Variants in ACOT7 observed in about 807,000 individuals in gnomAD.
ACOT7 encodes cytosolic acyl coenzyme A thioester hydrolase.
In ACOT7, 12 loss-of-function variants were observed where a neutral mutation model predicts 40.2. That is an observed-to-expected ratio of 0.30 (90% CI 0.19 to 0.48). ACOT7 has a LOEUF of 0.48. Among genes scored for constraint, ACOT7 ranks in the 20% least tolerant of loss-of-function variants. The probability of loss-of-function intolerance (pLI) is 0.99; values close to 1 mark genes in which losing one functional copy is unlikely to be tolerated. For missense variants in ACOT7, 395 were observed against 530.8 expected (o/e 0.74, Z 2.51); for synonymous variants, 228 against 219.5 (o/e 1.04, Z -0.34).
chr1:6,265,884 G>C lies in ACOT7; in HGVS notation c.1015-1189C>G, dbSNP rs148315150. Reference sequence around the variant, plus strand: ...GGCCTAAGTGTTTCATAGACAAATGGTATATTGGCAAGAGAGAGCGCAGTC... The same window carrying C: ...GGCCTAAGTGTTTCATAGACAAATGCTATATTGGCAAGAGAGAGCGCAGTC... On this transcript the variant is annotated intron_variant, in intron 8 of 8. Coordinates refer to ENST00000361521, the MANE Select transcript of ACOT7 (RefSeq NM_007274.4). 1.0e-3 allele frequency among the ~76,000 whole-genome samples: 154 copies of C among 152,286 alleles called. 1 individual carries two copies. The highest frequency in any genetic ancestry group is 3.4e-3 in the African/African-American group (142 of 41,564).
chr1:6,286,113 A>C (rs1453761151), intron 7 of ACOT7, among the ~76,000 whole-genome samples: 1 of 152,232 alleles, frequency 6.6e-6, no homozygotes, highest in African/African-American at 2.4e-5. Context: ...GGTCCTGACA[A>C]TCAGCCCACG....
At chr1:6,381,383 C>T (rs1306529731) in intron 1 of ACOT7, among the ~76,000 whole-genome samples, 10 of 151,760 alleles carry the variant, frequency 6.6e-5, no homozygotes, top group Middle Eastern at 3.4e-3. Context: ...CTTGAGTAGA[C>T]ATTTCTACAA....
intron 8 of ACOT7, among the ~76,000 whole-genome samples, chr1:6,272,937 G>T (rs1281240337): frequency 6.6e-6 from 1 of 152,204 alleles, no homozygotes; most frequent in Admixed American, 6.5e-5. Flanking sequence ...CACTCTGTCC[G>T]TGTCACAAAT....
intron 1 of ACOT7, among the ~76,000 whole-genome samples, chr1:6,369,928 T>C (rs185737326): frequency 2.0e-5 from 3 of 152,302 alleles, no homozygotes; most frequent in Admixed American, 2.0e-4. Context: ...GGTTGCAGAA[T>C]GGATGTTGAG....
At chr1:6,287,186 G>A (rs1411483853) in intron 7 of ACOT7, among the ~76,000 whole-genome samples, 2 of 152,264 alleles carry the variant, frequency 1.3e-5, no homozygotes, top group Non-Finnish European at 2.9e-5. Context: ...CCTCAAAGGT[G>A]GCTGTAGCCG....
chr1:6,295,013 A>T (rs1274142358), intron 6 of ACOT7, 33 bp from the exon 7 acceptor site: 4 of 1,516,508 alleles, frequency 2.6e-6, no homozygotes, highest in East Asian at 4.5e-5. Flanking sequence ...CAGATGAGAC[A>T]CGGAGGCAGA....
chr1:6,281,632 C>T (rs902376636), intron 7 of ACOT7, among the ~76,000 whole-genome samples: 37 of 152,352 alleles, frequency 2.4e-4, no homozygotes, highest in African/African-American at 8.7e-4. Context: ...CGCAGACTGC[C>T]TTCCAGGAGC....
chr1:6,265,633 G>C (rs1334052511), intron 8 of ACOT7, among the ~76,000 whole-genome samples: 1 of 152,200 alleles, frequency 6.6e-6, no homozygotes, highest in African/African-American at 2.4e-5. Context: ...TGGCCCCTGG[G>C]CAGGTGCCAC....
At chr1:6,390,703 A>G (rs1286218956) in intron 1 of ACOT7, among the ~76,000 whole-genome samples, 2 of 152,010 alleles carry the variant, frequency 1.3e-5, no homozygotes, top group African/African-American at 4.8e-5. Context: ...TGGGAGGCCG[A>G]GGCGGGCAGA....
chr1:6,388,842 T>A (rs1642485129), intron 1 of ACOT7, among the ~76,000 whole-genome samples: 1 of 146,620 alleles, frequency 6.8e-6, no homozygotes, highest in South Asian at 2.2e-4. Context: ...ATCGAGACCA[T>A]CCTGGCTAAC....
intron 1 of ACOT7, among the ~76,000 whole-genome samples, chr1:6,388,881 AC>A (rs1403503036): frequency 5.3e-5 from 8 of 151,518 alleles, no homozygotes; most frequent in Non-Finnish European, 1.0e-4. Context: ...TAATAAAAAT[AC>A]AAAAAAAAAT....
intron 6 of ACOT7, among the ~76,000 whole-genome samples, chr1:6,304,458 G>T (rs1213845659): frequency 2.8e-5 from 4 of 141,534 alleles, no homozygotes; most frequent in Non-Finnish European, 3.0e-5. Flanking sequence ...ATTTGGCAGG[G>T]TCACAGGACA....
intron 8 of ACOT7, among the ~76,000 whole-genome samples, chr1:6,265,755 G>A (rs1414414408): frequency 1.3e-5 from 2 of 152,170 alleles, no homozygotes; most frequent in African/African-American, 4.8e-5. Flanking sequence ...TAATTCCTCT[G>A]GGACATTTCA....
In ACOT7 at chr1:6,393,132, C is replaced by G. The variant is rs942833561; in HGVS notation, c.143+125G>C. On this transcript the variant is annotated intron_variant, in intron 1 of 8. Transcript: ENST00000361521. ...GCGTCCGGGGCGGCGGCGCGGAAGG[C>G]CGTGCGGGGAATCGGCGGGCGGGGG... The G allele has an allele frequency of 3.7e-6, 4 of 1,070,866 alleles. No individual in the cohort carries two copies. In the African/African-American group the frequency reaches 6.7e-5, roughly 18 times the overall value. 66.3% of individuals were successfully genotyped at this position (1,070,866 alleles called of 1,614,324 possible).
At chr1:6,348,343 C>T (rs1238693733) in intron 2 of ACOT7, among the ~76,000 whole-genome samples, 1 of 152,132 alleles carries the variant, frequency 6.6e-6, no homozygotes, top group Non-Finnish European at 1.5e-5. Context: ...GATACACACA[C>T]ACACACACGC....
intron 7 of ACOT7, among the ~76,000 whole-genome samples, chr1:6,291,296 C>A (rs1639656734): frequency 6.6e-6 from 1 of 152,012 alleles, no homozygotes; most frequent in African/African-American, 2.4e-5. Context: ...TTATAAGAGA[C>A]AGAAGAGGAG....
Position 6,359,125 on chromosome 1 carries a change from G to A in ACOT7, c.144-9259C>T. On this transcript the variant is annotated intron_variant, in intron 1 of 8. Coordinates refer to ENST00000361521, the MANE Select transcript of ACOT7 (RefSeq NM_007274.4). The surrounding 1 kb of genome is among the most constrained non-coding windows in gnomAD (Gnocchi z 4.1). The stretch of plus-strand genomic sequence containing the variant: ...TGAGCTCTTCTGGCTGCCATGCCAG[G>A]AGATCAGGAAGGCAGAGGGGCCGCT... The A allele has an allele frequency of 2.9e-6, 1 of 344,674 alleles. No individual in the cohort carries two copies. Among genetic ancestry groups the A allele is most frequent in the Non-Finnish European group, 5.3e-6 (1 of 187,256 alleles). The allele number at this position is 344,674 out of a possible 1,614,324, so 21.4% of individuals were successfully genotyped here.
At position 6,311,238 on chromosome 1, in the gene ACOT7, T is replaced by C. The variant is rs1640321517; in HGVS notation, c.712+7254A>G. 6.6e-6 allele frequency among the ~76,000 whole-genome samples: 1 copy of C among 152,204 alleles called. No homozygotes were observed. The highest frequency in any genetic ancestry group is 2.4e-5 in the African/African-American group (1 of 41,450). ...AGTTAGTTTTTACTCAGAGCCGATG[T>C]GATCAGTAAACGTTGAGGTTCTTTT... On this transcript the variant is annotated intron_variant, in intron 6 of 8. Coordinates refer to ENST00000361521, the MANE Select transcript of ACOT7 (RefSeq NM_007274.4). This position sits in a 1 kb window ranked among gnomAD's most constrained non-coding sequence, Gnocchi z 5.2.
In ACOT7 at chr1:6,383,344, C is replaced by T. The variant is rs191600589; in HGVS notation, c.143+9913G>A. The stretch of plus-strand genomic sequence containing the variant: ...CTGAGACTACAGGCGCCCACCATGA[C>T]GCCTGGCTAATTTTTTGTATTTTTA... On this transcript the variant is annotated intron_variant, in intron 1 of 8. Coordinates refer to ENST00000361521, the MANE Select transcript of ACOT7 (RefSeq NM_007274.4). Among the ~76,000 whole-genome samples the T allele has an allele frequency of 1.1e-3, 170 of 150,636 alleles. 1 individual carries two copies. Among genetic ancestry groups the T allele is most frequent in the African/African-American group, 3.9e-3 (162 of 41,128 alleles).
Sources: allele counts gnomAD v4.1 joint callset (sites outside exome capture counted in the v4.1 genomes callset), GRCh38; gene constraint gnomAD v4.1.1; non-coding constraint Gnocchi (gnomAD v3.1); transcripts MANE v1.5; gene names NCBI Gene and HGNC (gene_info 2026-07-23, HGNC 2026-07-21).